The following LRRC4C variants were observed in gnomAD, a reference collection of about 807,000 sequenced individuals.
LRRC4C encodes leucine-rich repeat-containing protein 4C.
LRRC4C carries 5 observed loss-of-function variants against 33.6 expected under a neutral mutation model. The ratio of observed to expected loss-of-function variants is 0.15; its 90% CI spans 0.08 to 0.31. LRRC4C has a LOEUF of 0.31. Ranked by LOEUF, LRRC4C falls within the 10% of genes least tolerant of loss-of-function variation. LRRC4C has a pLI of 1.00. For missense variants in LRRC4C, 560 were observed against 796.7 expected (o/e 0.70, Z 3.58); for synonymous variants, 329 against 302.0 (o/e 1.09, Z -0.93).
intron 1 of LRRC4C, among the ~76,000 whole-genome samples, chr11:41,010,542 G>T (rs1450963754): frequency 1.3e-5 from 2 of 152,158 alleles, no homozygotes; most frequent in Non-Finnish European, 2.9e-5. Context: ...TGGCAACAAA[G>T]GATGTAGCCA....
chr11:40,358,560 T>C (rs1947790095), intron 3 of LRRC4C, among the ~76,000 whole-genome samples: 1 of 152,138 alleles, frequency 6.6e-6, no homozygotes, highest in Non-Finnish European at 1.5e-5. Context: ...GGATTACAGG[T>C]ATGAGTTACT....
chr11:41,177,946 AAG>A (rs1461776697), intron 1 of LRRC4C, among the ~76,000 whole-genome samples: 1 of 152,182 alleles, frequency 6.6e-6, no homozygotes, highest in Non-Finnish European at 1.5e-5. Flanking sequence ...AGGTCCAACT[AAG>A]AAGCCAGAGT....
intron 3 of LRRC4C, among the ~76,000 whole-genome samples, chr11:40,424,001 T>C (rs919947226): frequency 3.3e-5 from 5 of 152,220 alleles, no homozygotes; most frequent in Admixed American, 1.3e-4. Context: ...GTATATGGTA[T>C]ACATATATAC....
intron 2 of LRRC4C, among the ~76,000 whole-genome samples, chr11:40,785,698 TAC>T: frequency 6.6e-6 from 1 of 152,162 alleles, no homozygotes; most frequent in Non-Finnish European, 1.5e-5. Context: ...ACAAAAACAA[TAC>T]ACTTTTAACT....
chr11:41,309,321 G>C (rs1165317921), intron 1 of LRRC4C, among the ~76,000 whole-genome samples: 1 of 152,214 alleles, frequency 6.6e-6, no homozygotes, highest in Admixed American at 6.5e-5. Context: ...ATTCACCACA[G>C]AAAGCAGCAA....
chr11:40,200,938 C>G (rs1170098219), intron 5 of LRRC4C, among the ~76,000 whole-genome samples: 4 of 152,114 alleles, frequency 2.6e-5, no homozygotes, highest in Non-Finnish European at 5.9e-5. Flanking sequence ...CTTGGCTCTT[C>G]CACCAAACCA....
chr11:40,255,223 G>A (rs779253936), intron 4 of LRRC4C, among the ~76,000 whole-genome samples: 4 of 152,010 alleles, frequency 2.6e-5, no homozygotes, highest in Admixed American at 1.3e-4. Flanking sequence ...AAGATCTCCC[G>A]GACAAGGTGA....
At chr11:40,557,869 G>A (rs1339908541) in intron 3 of LRRC4C, among the ~76,000 whole-genome samples, 1 of 152,066 alleles carries the variant, frequency 6.6e-6, no homozygotes. Context: ...ACTGTTTGAT[G>A]AGCCATTTTA....
At chr11:40,768,912 T>TAA in intron 2 of LRRC4C, among the ~76,000 whole-genome samples, 1 of 152,200 alleles carries the variant, frequency 6.6e-6, no homozygotes, top group Middle Eastern at 3.4e-3. Context: ...GTCTTTCCTC[T>TAA]AAGATCTGGA....
chr11:40,850,964 G>T (rs1360235478), intron 2 of LRRC4C, among the ~76,000 whole-genome samples: 1 of 152,126 alleles, frequency 6.6e-6, no homozygotes, highest in African/African-American at 2.4e-5. Flanking sequence ...CTCAGTAATG[G>T]CAGACCCACC....
rs764899167 is a variant in LRRC4C at position 40,115,211 on chromosome 11, G to T, written c.1082C>A (p.Ala361Glu). The T allele has an allele frequency of 1.1e-5, 17 of 1,614,086 alleles. No homozygotes were observed. Among genetic ancestry groups the T allele is most frequent in the Non-Finnish European group, 1.4e-5 (16 of 1,180,058 alleles). ...CATGCCTTCAGTGACATTGAGGTCT[G>T]CAGGGGGCTCCACAATCACCGGAGC... ...CYAPVIVEPP[A>E]DLNVTEGMAA... The change falls in exon 7 of 7, where the codon GCA becomes GAA. Residue 361 changes from alanine to glutamate, a missense_variant. By Grantham distance (107) the Ala-to-Glu change is moderately radical. Coordinates refer to ENST00000528697, the MANE Select transcript of LRRC4C (RefSeq NM_001258419.2). This position sits in a 1 kb window ranked among gnomAD's most constrained non-coding sequence, Gnocchi z 6.7.
intron 1 of LRRC4C, among the ~76,000 whole-genome samples, chr11:41,320,117 G>A (rs1950915391): frequency 6.6e-6 from 1 of 152,094 alleles, no homozygotes. Context: ...AGTATCAATT[G>A]AGAATATAAA....
intron 1 of LRRC4C, among the ~76,000 whole-genome samples, chr11:41,065,263 T>G (rs1437046163): frequency 6.6e-6 from 1 of 152,152 alleles, no homozygotes; most frequent in African/African-American, 2.4e-5. Context: ...GGTTTTCCCC[T>G]GACAGCTAAG....
Position 40,114,961 on chromosome 11 carries a change from A to G in LRRC4C, c.1332T>C (p.Thr444=), listed in dbSNP as rs1413876186. Residue 444 remains threonine, a synonymous_variant, in exon 7 of 7, where the codon ACT becomes ACC. Coordinates refer to ENST00000528697, the MANE Select transcript of LRRC4C (RefSeq NM_001258419.2). The part of the protein sequence containing the change: ...NTTASATLNV[T]AATTTPFSYF... ...AAGAGAAAGGAGTAGTGGTTGCTGCAGTAACATTCAGGGTGGCTGAAGCAG... is the reference window on the plus strand; with the variant it reads ...AAGAGAAAGGAGTAGTGGTTGCTGCGGTAACATTCAGGGTGGCTGAAGCAG... 6.2e-7 allele frequency: 1 copy of G among 1,614,098 alleles called. No individual in the cohort carries two copies. Among genetic ancestry groups the G allele is most frequent in the East Asian group, 2.2e-5 (1 of 44,890 alleles).
chr11:41,072,594 A>G lies in LRRC4C; in HGVS notation c.-495-138871T>C, dbSNP rs371826104. On this transcript the variant is annotated intron_variant, in intron 1 of 6. Coordinates refer to ENST00000528697, the MANE Select transcript of LRRC4C (RefSeq NM_001258419.2). ...TAAGTTTTCTGAGACCTCCGCAGCCATGCTTCCTGTACAGCCTGTGGAGCT... is the reference window on the plus strand; with the variant it reads ...TAAGTTTTCTGAGACCTCCGCAGCCGTGCTTCCTGTACAGCCTGTGGAGCT... Among the ~76,000 whole-genome samples the G allele has an allele frequency of 1.2e-4, 18 of 152,156 alleles. No individual in the cohort carries two copies. The East Asian group carries it at 2.7e-3, about 23-fold the overall frequency.
chr11:40,305,891 T>G (rs1450149016), intron 4 of LRRC4C, among the ~76,000 whole-genome samples: 1 of 152,242 alleles, frequency 6.6e-6, no homozygotes, highest in African/African-American at 2.4e-5. Flanking sequence ...CAATTATTAG[T>G]CATATTTGCT....
At chr11:41,389,117 C>G (rs1158870801) in intron 1 of LRRC4C, among the ~76,000 whole-genome samples, 2 of 151,762 alleles carry the variant, frequency 1.3e-5, no homozygotes, top group Non-Finnish European at 2.9e-5. Flanking sequence ...ATTGAATTCT[C>G]TTTAATTTGT....
At chr11:40,859,571 A>G (rs76740758) in intron 2 of LRRC4C, among the ~76,000 whole-genome samples, 5,221 of 152,208 alleles carry the variant, frequency 0.034, 109 homozygotes, top group African/African-American at 0.049. Flanking sequence ...CAGAATGACC[A>G]TATGACCCAG....
At chr11:40,232,127 CT>C (rs1865244287) in intron 5 of LRRC4C, among the ~76,000 whole-genome samples, 1 of 152,164 alleles carries the variant, frequency 6.6e-6, no homozygotes, top group Non-Finnish European at 1.5e-5. Flanking sequence ...CTGCCTCAAC[CT>C]CCCAAGTAGC....
Sources: gnomAD v4.1 joint callset for allele counts (sites outside exome capture counted in the v4.1 genomes callset) on GRCh38, gnomAD v4.1.1 for gene constraint, Gnocchi (gnomAD v3.1) non-coding constraint, MANE v1.5 for transcripts, NCBI Gene and HGNC (gene_info 2026-07-23, HGNC 2026-07-21) for gene names.